CHD6: variants seen among roughly 807,000 people sequenced by gnomAD.
CHD6 encodes the protein ATP-dependent chromatin remodeler CHD6.
A neutral mutation model predicts 276.9 loss-of-function variants in CHD6; 50 were observed. That is an observed-to-expected ratio of 0.18 (90% CI 0.14 to 0.23). CHD6 has a LOEUF of 0.23. CHD6 is among the 10% of genes least tolerant of loss of function. CHD6 has a pLI of 1.00. For synonymous variants in CHD6, 1,173 were observed against 1,229.3 expected (o/e 0.95, Z 0.96); for missense variants, 2,564 against 3,365.8 (o/e 0.76, Z 5.89).
rs527712613 is a variant in CHD6 at position 41,427,608 on chromosome 20, A to G, written c.4069-1455T>C. On this transcript the variant is annotated intron_variant, in intron 27 of 36. Transcript: ENST00000373233. Reference sequence around the variant, plus strand: ...CTAACAAGCTGTCTAAAAAAGGACAAGAGAGTCTTAGATGAAAATTTGTCT... The same window carrying G: ...CTAACAAGCTGTCTAAAAAAGGACAGGAGAGTCTTAGATGAAAATTTGTCT... 5.3e-5 allele frequency among the ~76,000 whole-genome samples: 8 copies of G among 152,314 alleles called. No individual in the cohort carries two copies. The East Asian group carries it at 1.4e-3, about 26-fold the overall frequency.
At chr20:41,472,009 G>A (rs529928879) in intron 17 of CHD6, among the ~76,000 whole-genome samples, 11 of 152,034 alleles carry the variant, frequency 7.2e-5, no homozygotes, top group Admixed American at 5.9e-4. Flanking sequence ...CGAGGCGGGC[G>A]GATCACCTGA....
chr20:41,559,574 G>T (rs1350190959), intron 1 of CHD6, among the ~76,000 whole-genome samples: 2 of 152,056 alleles, frequency 1.3e-5, no homozygotes, highest in East Asian at 3.9e-4. Context: ...CTGATTGCAG[G>T]CTTCTAGGCT....
At chr20:41,549,638 T>TATA (rs1183250282) in intron 2 of CHD6, among the ~76,000 whole-genome samples, 1 of 150,192 alleles carries the variant, frequency 6.7e-6, no homozygotes, top group Non-Finnish European at 1.5e-5. Flanking sequence ...AAACTTAAAG[T>TATA]ATAATAATAA....
At chr20:41,573,170 A>T (rs1241875274) in intron 1 of CHD6, among the ~76,000 whole-genome samples, 1 of 152,140 alleles carries the variant, frequency 6.6e-6, no homozygotes, top group African/African-American at 2.4e-5. Flanking sequence ...CGGCCTCCCA[A>T]AGTGCTGGGA....
At chr20:41,498,764 T>C (rs1377115684) in intron 6 of CHD6, among the ~76,000 whole-genome samples, 5 of 151,674 alleles carry the variant, frequency 3.3e-5, no homozygotes, top group African/African-American at 4.8e-5. Flanking sequence ...TTAGGACTCA[T>C]ATGGGTGTGT....
intron 30 of CHD6, among the ~76,000 whole-genome samples, chr20:41,422,433 G>A (rs2047224419): frequency 6.6e-6 from 1 of 152,110 alleles, no homozygotes; most frequent in Admixed American, 6.5e-5. Flanking sequence ...GAGGCCAGGA[G>A]TTCAAGACCA....
chr20:41,579,129 CAAA>C lies in CHD6; in HGVS notation c.-23-27772_-23-27770del, dbSNP rs58395642. 7.0e-3 allele frequency among the ~76,000 whole-genome samples: 300 copies of C among 42,762 alleles called. 2 individuals are homozygous for C. Among genetic ancestry groups the C allele is most frequent in the African/African-American group, 0.026 (245 of 9,486 alleles). 28.1% of individuals were successfully genotyped at this position (42,762 alleles called of 152,430 possible). A position where few individuals can be genotyped will look rare whatever the true frequency, so the allele number is the denominator to read the frequency against. ...TGGGCAACAGAACGAGACTCCATCT[CAAA>C]AAAAAAAAAAAAAAAAAAAAAGTGC... is the stretch of plus-strand genomic sequence containing the variant. On this transcript the variant is annotated intron_variant, in intron 1 of 36. Transcript: ENST00000373233.
intron 2 of CHD6, chr20:41,547,460 AT>A (rs1601126065): frequency 2.9e-6 from 1 of 344,544 alleles, no homozygotes; most frequent in East Asian, 7.2e-5. Context: ...TTAGAGTCGT[AT>A]ACCTGAGGTG....
intron 31 of CHD6, among the ~76,000 whole-genome samples, chr20:41,419,555 A>C (rs926991790): frequency 1.0e-3 from 37 of 36,466 alleles, no homozygotes; most frequent in Non-Finnish European, 1.7e-3. Context: ...ACTCTGTCTC[A>C]AAAAAAAAAA....
intron 3 of CHD6, among the ~76,000 whole-genome samples, chr20:41,525,051 G>A (rs1316942132): frequency 6.6e-6 from 1 of 152,098 alleles, no homozygotes; most frequent in Admixed American, 6.5e-5. Context: ...GGTAATACAG[G>A]TGCCTGGTGA....
intron 31 of CHD6, 88 bp downstream of exon 31, chr20:41,420,420 A>G (rs1294951096): frequency 4.2e-6 from 6 of 1,419,440 alleles, no homozygotes; most frequent in Non-Finnish European, 5.7e-6. Context: ...AGCTGTAAAA[A>G]TATGAAGCAC....
chr20:41,538,634 T>C (rs186135350), intron 2 of CHD6, among the ~76,000 whole-genome samples: 1 of 152,376 alleles, frequency 6.6e-6, no homozygotes, highest in Non-Finnish European at 1.5e-5. Flanking sequence ...TTATAGTATG[T>C]AAATTACATT....
chr20:41,617,856 G>C (rs2045949006), intron 1 of CHD6, among the ~76,000 whole-genome samples: 1 of 151,226 alleles, frequency 6.6e-6, no homozygotes, highest in Non-Finnish European at 1.5e-5. Context: ...CGCGAATAGA[G>C]CAACTTCTCC....
At chr20:41,499,813 C>T (rs2043789606) in intron 5 of CHD6, among the ~76,000 whole-genome samples, 2 of 152,242 alleles carry the variant, frequency 1.3e-5, no homozygotes, top group South Asian at 2.1e-4. Context: ...AAATACATAT[C>T]TCACTGAATT....
intron 27 of CHD6, among the ~76,000 whole-genome samples, chr20:41,427,420 T>C (rs181860770): frequency 6.6e-6 from 1 of 152,314 alleles, no homozygotes; most frequent in Admixed American, 6.5e-5. Context: ...CACTTAGTTA[T>C]CAGCACTGTC....
intron 28 of CHD6, among the ~76,000 whole-genome samples, chr20:41,425,860 C>T (rs1381500352): frequency 6.6e-6 from 1 of 152,020 alleles, no homozygotes; most frequent in Non-Finnish European, 1.5e-5. Flanking sequence ...AGACCTTATT[C>T]TAACTGAAGA....
At chr20:41,417,610 G>T (rs2047042599) in intron 31 of CHD6, among the ~76,000 whole-genome samples, 1 of 152,186 alleles carries the variant, frequency 6.6e-6, no homozygotes, top group African/African-American at 2.4e-5. Flanking sequence ...CAAGAAAAGA[G>T]AAAGGAAATT....
At chr20:41,521,388 G>T (rs369208921) in intron 3 of CHD6, among the ~76,000 whole-genome samples, 3 of 152,126 alleles carry the variant, frequency 2.0e-5, no homozygotes, top group Admixed American at 1.3e-4. Flanking sequence ...TTAAGCAAAC[G>T]AGTGAACGTA....
intron 32 of CHD6, among the ~76,000 whole-genome samples, 180 bp downstream of exon 32, chr20:41,417,018 C>G (rs1373489879): frequency 6.6e-6 from 1 of 152,204 alleles, no homozygotes; most frequent in Admixed American, 6.5e-5. Context: ...CTTCATCTTA[C>G]AGTCGAATTA....
Sources: gnomAD v4.1 joint callset for allele counts (sites outside exome capture counted in the v4.1 genomes callset) on GRCh38, gnomAD v4.1.1 for gene constraint, MANE v1.5 for transcripts, NCBI Gene and HGNC (gene_info 2026-07-23, HGNC 2026-07-21) for gene names.